Variants in MRPS6 observed in about 807,000 individuals in gnomAD.
MRPS6 encodes small ribosomal subunit protein bS6m.
A neutral mutation model predicts 13.1 loss-of-function variants in MRPS6; 6 were observed. That is an observed-to-expected ratio of 0.46 (90% confidence interval 0.25 to 0.91). The LOEUF is 0.91. Ranked by LOEUF, MRPS6 falls within the 40% of genes least tolerant of loss-of-function variation. The pLI, the probability that MRPS6 is intolerant of heterozygous loss-of-function variation, is 0.18. For missense variants in MRPS6, 164 were observed against 155.6 expected (o/e 1.05, Z -0.29); for synonymous variants, 61 against 56.5 (o/e 1.08, Z -0.36).
At chr21:34,106,416 T>C (rs1041520357) in intron 1 of MRPS6, among the ~76,000 whole-genome samples, 6 of 152,230 alleles carry the variant, frequency 3.9e-5, no homozygotes, top group Admixed American at 6.5e-5. Flanking sequence ...TCATTTTTAA[T>C]CTTTGTAAAC....
chr21:34,075,723 A>G (rs2148650556), intron 1 of MRPS6, among the ~76,000 whole-genome samples: 1 of 152,340 alleles, frequency 6.6e-6, no homozygotes, highest in African/African-American at 2.4e-5. Context: ...CTTCTCAGTT[A>G]TTTGTTCAAA....
At chr21:34,084,575 ATAT>A (rs779328870) in intron 1 of MRPS6, among the ~76,000 whole-genome samples, 17 of 152,218 alleles carry the variant, frequency 1.1e-4, no homozygotes, top group Admixed American at 4.6e-4. Context: ...ACACACCTAC[ATAT>A]TATACACACA....
rs935231208 is a variant in MRPS6 at position 34,095,867 on chromosome 21, T to C, written c.45+22122T>C. The C allele has an allele frequency of 3.7e-6, 6 of 1,614,016 alleles. No homozygotes were observed. The Admixed American group carries it at 5.0e-5, about 13-fold the overall frequency. On this transcript the variant is annotated intron_variant, in intron 1 of 2. Coordinates refer to ENST00000399312, the MANE Select transcript of MRPS6 (RefSeq NM_032476.4). ...GAAGGTACATGTTGGCCTCACCCGA[T>C]GTCACTTCCATCTTATTGACATACA...
At chr21:34,078,208 G>T (rs1317100709) in intron 1 of MRPS6, among the ~76,000 whole-genome samples, 2 of 151,944 alleles carry the variant, frequency 1.3e-5, no homozygotes, top group Non-Finnish European at 2.9e-5. Context: ...ATCTCTCTTT[G>T]TGTTTTATCT....
intron 1 of MRPS6, among the ~76,000 whole-genome samples, chr21:34,115,551 G>T (rs980629277): frequency 2.6e-5 from 4 of 152,154 alleles, no homozygotes; most frequent in Non-Finnish European, 5.9e-5. Context: ...GACTCTTTCA[G>T]TAACCTCTGG....
chr21:34,079,339 G>A (rs1015036860), intron 1 of MRPS6, among the ~76,000 whole-genome samples: 1 of 152,134 alleles, frequency 6.6e-6, no homozygotes, highest in African/African-American at 2.4e-5. Context: ...GCCAGCCCCT[G>A]ATTTAGAGTA....
chr21:34,095,163 C>T (rs1293332338), intron 1 of MRPS6: 1 of 1,404,576 alleles, frequency 7.1e-7, no homozygotes, highest in Non-Finnish European at 9.2e-7. Context: ...TTGGACACTT[C>T]TGTCATTGGA....
Position 34,138,900 on chromosome 21 carries a change from C to T in MRPS6, c.186-3508C>T, listed in dbSNP as rs1388245430. Among the ~76,000 whole-genome samples, 6 of 151,872 alleles carry T rather than the reference C, an allele frequency of 4.0e-5. No individual in the cohort carries two copies. In the South Asian group the frequency reaches 6.3e-4, roughly 16 times the overall value. On this transcript the variant is annotated intron_variant, in intron 2 of 2. Transcript: ENST00000399312. ...GACACATGCATACATATGTTTATTGCGGCACTATTCACAATAGCAAAGACT... is the reference window on the plus strand; with the variant it reads ...GACACATGCATACATATGTTTATTGTGGCACTATTCACAATAGCAAAGACT...
chr21:34,123,676 C>G (rs987391493), intron 1 of MRPS6: 1 of 151,956 alleles, frequency 6.6e-6, no homozygotes, highest in Non-Finnish European at 1.5e-5. Flanking sequence ...TTGCATGGTC[C>G]GCTCCTTTTT....
intron 1 of MRPS6, among the ~76,000 whole-genome samples, chr21:34,114,395 C>A (rs1188662049): frequency 6.6e-6 from 1 of 152,114 alleles, no homozygotes. Context: ...TTACAAACTG[C>A]AATTCAGCCA....
At chr21:34,079,602 ATTTTTTTT>A (rs398036389) in intron 1 of MRPS6, among the ~76,000 whole-genome samples, 3 of 43,660 alleles carry the variant, frequency 6.9e-5, no homozygotes, top group Admixed American at 3.4e-4. Context: ...GACCCAGCTA[ATTTTTTTT>A]TTTTTTTTTT....
At chr21:34,077,568 CATTT>C (rs1279910367) in intron 1 of MRPS6, among the ~76,000 whole-genome samples, 1 of 152,014 alleles carries the variant, frequency 6.6e-6, no homozygotes, top group Non-Finnish European at 1.5e-5. Context: ...AATAAGATAG[CATTT>C]ATATATATAT....
Position 34,142,597 on chromosome 21 carries a change from G to A in MRPS6, c.375G>A (p.Lys125=). ...TATATTCCACAAAGAAGAGGAAGAA[G>A]TGAGAAGATTCGCCAGATTTTAGCC... ...EKLYSTKKRK[K] Residue 125 remains lysine, a synonymous_variant, in exon 3 of 3, where the codon AAG becomes AAA. Transcript: ENST00000399312. 2 of 1,597,952 alleles carry A rather than the reference G, an allele frequency of 1.3e-6. No individual in the cohort carries two copies. Among genetic ancestry groups the A allele is most frequent in the Non-Finnish European group, 1.7e-6 (2 of 1,174,148 alleles).
At chr21:34,119,365 T>C (rs1201679940) in intron 1 of MRPS6, among the ~76,000 whole-genome samples, 1 of 152,236 alleles carries the variant, frequency 6.6e-6, no homozygotes, top group African/African-American at 2.4e-5. Context: ...GCTGTGAGAA[T>C]GTCAATGCAG....
rs1980940951 is a variant in MRPS6, at chr21:34,142,523, G to A, written c.301G>A (p.Glu101Lys). 6.2e-7 allele frequency: 1 copy of A among 1,613,192 alleles called. No individual in the cohort carries two copies. Among genetic ancestry groups the A allele is most frequent in the Non-Finnish European group, 8.5e-7 (1 of 1,179,656 alleles). The change falls in exon 3 of 3, where the codon GAA (glutamate) becomes AAA (lysine). Residue 101 changes from glutamate to lysine, a missense_variant. Physicochemically the swap from Glu to Lys is moderately conservative, Grantham distance 56. Transcript: ENST00000399312. ...GNIVKHPLTQ[E>K]LKECEGIVPV... Reference sequence around the variant, plus strand: ...TATTGTCAAACACCCTCTGACCCAGGAACTAAAAGAATGTGAAGGGATTGT... The same window carrying A: ...TATTGTCAAACACCCTCTGACCCAGAAACTAAAAGAATGTGAAGGGATTGT...
Position 34,096,826 on chromosome 21 carries a change from C to G in MRPS6, c.45+23081C>G, listed in dbSNP as rs957745254. 6.2e-7 allele frequency: 1 copy of G among 1,614,032 alleles called. No individual in the cohort carries two copies. On this transcript the variant is annotated intron_variant, in intron 1 of 2. Transcript: ENST00000399312. This position sits in a 1 kb window ranked among gnomAD's most constrained non-coding sequence, Gnocchi z 5.9. ...CCTCCCACAAAGGAACAGATTCGAA[C>G]CACCACCTTTTGGTCTAAGAAGAAC...
intron 2 of MRPS6, among the ~76,000 whole-genome samples, chr21:34,130,892 T>G (rs577655679): frequency 1.3e-5 from 2 of 152,332 alleles, no homozygotes; most frequent in South Asian, 4.1e-4. Context: ...GTGGTGATTC[T>G]ATAATTAGCA....
chr21:34,106,881 C>G (rs547081550), intron 1 of MRPS6, among the ~76,000 whole-genome samples: 1 of 152,226 alleles, frequency 6.6e-6, no homozygotes, highest in African/African-American at 2.4e-5. Flanking sequence ...TCTTTTGCCC[C>G]CTTTAATCTG....
intron 1 of MRPS6, chr21:34,105,327 T>G (rs1042027116): frequency 1.0e-6 from 1 of 998,984 alleles, no homozygotes; most frequent in South Asian, 4.7e-5. Context: ...TTTGATAAGA[T>G]GGATATCAAA....
Sources: allele counts gnomAD v4.1 joint callset (sites outside exome capture counted in the v4.1 genomes callset), GRCh38; gene constraint gnomAD v4.1.1; non-coding constraint Gnocchi (gnomAD v3.1); transcripts MANE v1.5; gene names NCBI Gene and HGNC (gene_info 2026-07-23, HGNC 2026-07-21).